MSRA: variants seen among roughly 807,000 people sequenced by gnomAD.
MSRA encodes the protein mitochondrial peptide methionine sulfoxide reductase.
Under a neutral mutation model 31.3 loss-of-function variants are expected in MSRA, and 54 were observed. The observed-to-expected ratio is 1.73, with a 90% CI of 1.39 to 2.17. The LOEUF (loss-of-function observed/expected upper bound fraction) is 2.17. Among genes scored for constraint, MSRA ranks in the 30% most tolerant of loss-of-function variants. The probability of loss-of-function intolerance (pLI) is 0.00; values close to 1 mark genes in which losing one functional copy is unlikely to be tolerated. For missense variants in MSRA, 507 were observed against 300.9 expected (o/e 1.69, Z -5.07); for synonymous variants, 169 against 116.5 (o/e 1.45, Z -2.90).
intron 3 of MSRA, among the ~76,000 whole-genome samples, chr8:10,288,212 T>A: frequency 6.6e-6 from 1 of 152,326 alleles, no homozygotes; most frequent in South Asian, 2.1e-4. Flanking sequence ...GCGGCCTTTT[T>A]AGACATTTCT....
Position 10,260,890 on chromosome 8 carries a change from G to A in MSRA, c.331+15667G>A, listed in dbSNP as rs199872335. Among the ~76,000 whole-genome samples, 24 of 152,212 alleles carry A rather than the reference G, an allele frequency of 1.6e-4. No homozygotes were observed. The East Asian group carries it at 3.5e-3, about 22-fold the overall frequency. On this transcript the variant is annotated intron_variant, in intron 3 of 5. Transcript: ENST00000317173. ...GCAGTGGGAGAGGAAAATAACATTT[G>A]GATATTTGATAGATATTCAAAATAT...
At chr8:10,390,990 A>AAC (rs1027549031) in intron 5 of MSRA, among the ~76,000 whole-genome samples, 4 of 151,550 alleles carry the variant, frequency 2.6e-5, no homozygotes, top group African/African-American at 7.3e-5. Flanking sequence ...AAAAAAAAAA[A>AAC]AAACAGCACA....
Position 10,054,306 on chromosome 8 carries a change from C to G in MSRA, c.-211C>G, listed in dbSNP as rs1401954295. 2 of 373,756 alleles carry G rather than the reference C, an allele frequency of 5.4e-6. No individual in the cohort carries two copies. Among genetic ancestry groups the G allele is most frequent in the African/African-American group, 4.3e-5 (2 of 46,552 alleles). 23.2% of individuals were successfully genotyped at this position (373,756 alleles called of 1,614,324 possible). A position where few individuals can be genotyped will look rare whatever the true frequency, so the allele number is the denominator to read the frequency against. On this transcript the variant is annotated 5_prime_UTR_variant, in exon 1 of 6. Coordinates refer to ENST00000317173, the MANE Select transcript of MSRA (RefSeq NM_012331.5). Reference sequence around the variant, plus strand: ...CCACACCCCCTGTCCAGGGAAGGAACACGCCCCCGGTGACAGCCGGTACGG... The same window carrying G: ...CCACACCCCCTGTCCAGGGAAGGAAGACGCCCCCGGTGACAGCCGGTACGG...
At chr8:10,084,176 G>T (rs1322432398) in intron 1 of MSRA, among the ~76,000 whole-genome samples, 1 of 152,244 alleles carries the variant, frequency 6.6e-6, no homozygotes, top group Non-Finnish European at 1.5e-5. Context: ...ACGCTTCCAA[G>T]TTCTGATTTC....
chr8:10,336,251 A>G, intron 5 of MSRA, among the ~76,000 whole-genome samples: 1 of 152,118 alleles, frequency 6.6e-6, no homozygotes, highest in East Asian at 1.9e-4. Context: ...ATTTAGTAAG[A>G]AAGAAAAATA....
intron 5 of MSRA, among the ~76,000 whole-genome samples, chr8:10,366,375 C>G (rs1371512243): frequency 2.0e-5 from 3 of 152,234 alleles, no homozygotes; most frequent in African/African-American, 7.2e-5. Context: ...TGCGAGGGCC[C>G]CAGGCTGGGC....
chr8:10,079,556 A>G (rs2128922343), intron 1 of MSRA, among the ~76,000 whole-genome samples: 1 of 152,302 alleles, frequency 6.6e-6, no homozygotes, highest in South Asian at 2.1e-4. Context: ...AGAAATGAAT[A>G]GCTCCCTTAT....
intron 5 of MSRA, among the ~76,000 whole-genome samples, chr8:10,325,281 A>ATGGTGAT (rs1249339573): frequency 6.6e-6 from 1 of 152,168 alleles, no homozygotes; most frequent in Admixed American, 6.5e-5. Flanking sequence ...CTGCAGTCAT[A>ATGGTGAT]TGGTGATATA....
intron 2 of MSRA, among the ~76,000 whole-genome samples, chr8:10,224,580 G>A (rs1467511141): frequency 1.3e-5 from 2 of 152,134 alleles, no homozygotes; most frequent in Non-Finnish European, 2.9e-5. Context: ...TAGAGATGGG[G>A]GCTGGACCAG....
intron 1 of MSRA, among the ~76,000 whole-genome samples, chr8:10,108,824 T>C (rs985555995): frequency 1.6e-4 from 25 of 152,086 alleles, no homozygotes; most frequent in Non-Finnish European, 3.1e-4. Context: ...TTTTTAGTTC[T>C]CTGTCTCTCC....
chr8:10,126,555 C>G (rs980429931), intron 1 of MSRA, among the ~76,000 whole-genome samples: 9 of 152,124 alleles, frequency 5.9e-5, no homozygotes, highest in Non-Finnish European at 1.3e-4. Context: ...TTCTGTCGCC[C>G]AGGCTAGAGT....
chr8:10,181,040 T>G (rs769566555), intron 1 of MSRA, among the ~76,000 whole-genome samples: 3 of 152,220 alleles, frequency 2.0e-5, no homozygotes, highest in Non-Finnish European at 2.9e-5. Context: ...CAAATATTTA[T>G]TGAACTCTAG....
At chr8:10,083,800 G>A (rs1585112175) in intron 1 of MSRA, among the ~76,000 whole-genome samples, 1 of 152,064 alleles carries the variant, frequency 6.6e-6, no homozygotes, top group African/African-American at 2.4e-5. Flanking sequence ...AATGGCGTCT[G>A]TATTCACGAT....
At chr8:10,103,345 A>G (rs1358860103) in intron 1 of MSRA, among the ~76,000 whole-genome samples, 1 of 152,208 alleles carries the variant, frequency 6.6e-6, no homozygotes. Context: ...CTTAAAGATG[A>G]TGCATGTAAC....
intron 2 of MSRA, among the ~76,000 whole-genome samples, chr8:10,242,372 G>A (rs890501180): frequency 2.0e-5 from 3 of 152,120 alleles, no homozygotes; most frequent in African/African-American, 7.2e-5. Context: ...AGAAACATAG[G>A]AAGTGATTAC....
intron 1 of MSRA, among the ~76,000 whole-genome samples, chr8:10,137,235 C>G (rs1802350393): frequency 6.6e-6 from 1 of 152,110 alleles, no homozygotes; most frequent in Non-Finnish European, 1.5e-5. Context: ...GCTTTTATTT[C>G]TCGACTTAAA....
At chr8:10,207,733 A>G (rs1585170499) in intron 1 of MSRA, 100 bp from the exon 2 acceptor site, 1 of 1,120,566 alleles carries the variant, frequency 8.9e-7, no homozygotes, top group East Asian at 2.6e-5. Context: ...TGCATTTTTA[A>G]CTCAAAGGAG....
chr8:10,162,485 G>A (rs188094035), intron 1 of MSRA, among the ~76,000 whole-genome samples: 1 of 152,042 alleles, frequency 6.6e-6, no homozygotes, highest in Non-Finnish European at 1.5e-5. Context: ...GATTTCTGGG[G>A]GTGCCTGTTC....
At chr8:10,368,450 G>A (rs1805291348) in intron 5 of MSRA, among the ~76,000 whole-genome samples, 1 of 152,224 alleles carries the variant, frequency 6.6e-6, no homozygotes, top group Non-Finnish European at 1.5e-5. Flanking sequence ...CCTTCCAGGG[G>A]CTGTGAGTGT....
Sources: allele counts gnomAD v4.1 joint callset (sites outside exome capture counted in the v4.1 genomes callset), GRCh38; gene constraint gnomAD v4.1.1; transcripts MANE v1.5; gene names NCBI Gene and HGNC (gene_info 2026-07-23, HGNC 2026-07-21).